Variants in TGM6 observed in about 807,000 individuals in gnomAD.
TGM6 encodes the protein transglutaminase 6.
Under a neutral mutation model 77.5 loss-of-function variants are expected in TGM6, and 74 were observed. That is an observed-to-expected ratio of 0.96 (90% CI 0.79 to 1.16). TGM6 has a LOEUF of 1.16. Ranked by LOEUF, TGM6 falls within the 50% of genes most tolerant of loss-of-function variation. TGM6 has a pLI of 0.00. For missense variants in TGM6, 968 were observed against 940.2 expected (o/e 1.03, Z -0.39); for synonymous variants, 383 against 378.9 (o/e 1.01, Z -0.12).
chr20:2,401,301 A>C (rs1313387208), intron 7 of TGM6, among the ~76,000 whole-genome samples: 3 of 152,184 alleles, frequency 2.0e-5, no homozygotes, highest in Non-Finnish European at 4.4e-5. Flanking sequence ...AATGGGTTGC[A>C]GTGATGTCTC....
In TGM6 at chr20:2,399,580, G is replaced by A. The variant is rs1311548530; in HGVS notation, c.692G>A (p.Arg231Gln). ...ISAMVNSNND[R>Q]GVVQGQWQGK... The stretch of plus-strand genomic sequence containing the variant: ...GCCCAGGTGAACAGCAACAACGACC[G>A]AGGTGTGGTGCAAGGACAGTGGCAG... The change falls in exon 6 of 13, where the codon CGA becomes CAA. Residue 231 changes from arginine (R) to glutamine (Q), a missense_variant. By Grantham distance (43) the Arg-to-Gln change is conservative. Transcript: ENST00000202625. 21 of 1,613,020 alleles carry A rather than the reference G, an allele frequency of 1.3e-5. No individual in the cohort carries two copies. The highest frequency in any genetic ancestry group is 1.6e-5 in the Non-Finnish European group (19 of 1,179,952).
intron 4 of TGM6, 121 bp from the exon 5 acceptor site, chr20:2,397,797 G>A: frequency 6.5e-7 from 1 of 1,529,924 alleles, no homozygotes; most frequent in Non-Finnish European, 9.0e-7. Flanking sequence ...GCCCCTGGTG[G>A]TTGGAGGGGG....
At chr20:2,397,514 A>T (rs1213244131) in intron 4 of TGM6, among the ~76,000 whole-genome samples, 1 of 152,240 alleles carries the variant, frequency 6.6e-6, no homozygotes, top group African/African-American at 2.4e-5. Flanking sequence ...ATTATCAGAG[A>T]CCAGAAACCT....
At chr20:2,402,624 G>T (rs1445194067) in intron 7 of TGM6, among the ~76,000 whole-genome samples, 7 of 152,202 alleles carry the variant, frequency 4.6e-5, no homozygotes, top group Non-Finnish European at 1.0e-4. Flanking sequence ...GAGTTCTGAG[G>T]CCGGCTGTAA....
intron 9 of TGM6, among the ~76,000 whole-genome samples, chr20:2,408,904 G>GA (rs902732403): frequency 4.6e-5 from 7 of 152,048 alleles, no homozygotes; most frequent in Non-Finnish European, 1.0e-4. Flanking sequence ...GTATTTTGGG[G>GA]AAAAATAAAG....
At position 2,397,833 on chromosome 20, in the gene TGM6, G is replaced by T. The variant is rs1232766613; in HGVS notation, c.544-85G>T. The stretch of plus-strand genomic sequence containing the variant: ...CAGCAAACTGCCCTGCACAGATGGG[G>T]TGACTGACCGGGTGAGGGCTGTGGG... On this transcript the variant is annotated intron_variant, in intron 4 of 12. Coordinates refer to ENST00000202625, the MANE Select transcript of TGM6 (RefSeq NM_198994.3). The T allele has an allele frequency of 5.0e-6, 8 of 1,610,946 alleles. No individual in the cohort carries two copies. The African/African-American group carries it at 6.7e-5, about 13-fold the overall frequency.
intron 9 of TGM6, among the ~76,000 whole-genome samples, chr20:2,406,179 G>A (rs767004459): frequency 6.6e-6 from 1 of 152,128 alleles, no homozygotes; most frequent in Non-Finnish European, 1.5e-5. Flanking sequence ...ATGGGCTATG[G>A]ATGAGGGGAC....
chr20:2,403,317 C>T, intron 7 of TGM6, 80 bp from the exon 8 acceptor site: 1 of 1,489,430 alleles, frequency 6.7e-7, no homozygotes, highest in Non-Finnish European at 9.2e-7. Flanking sequence ...AGTAGGGAGC[C>T]CAGGGCCTGC....
chr20:2,407,817 T>A (rs993669196), intron 9 of TGM6, among the ~76,000 whole-genome samples: 2 of 152,140 alleles, frequency 1.3e-5, no homozygotes, highest in Non-Finnish European at 2.9e-5. Context: ...GGCTTTTTCA[T>A]GTGCTCTCAA....
At chr20:2,430,078 A>T (rs191948138) in intron 10 of TGM6, among the ~76,000 whole-genome samples, 9 of 152,290 alleles carry the variant, frequency 5.9e-5, no homozygotes, top group African/African-American at 2.2e-4. Flanking sequence ...TGCTCAATAA[A>T]CAGAGAAGGA....
intron 9 of TGM6, among the ~76,000 whole-genome samples, chr20:2,406,090 C>T (rs2084748613): frequency 6.6e-6 from 1 of 152,184 alleles, no homozygotes; most frequent in East Asian, 1.9e-4. Context: ...CACACTTTAG[C>T]TCCTATCTCC....
chr20:2,426,817 C>A (rs943333995), intron 10 of TGM6, among the ~76,000 whole-genome samples: 1 of 151,994 alleles, frequency 6.6e-6, no homozygotes, highest in African/African-American at 2.4e-5. Flanking sequence ...ATTAATTGAC[C>A]TTTAATATTG....
At position 2,417,222 on chromosome 20, in the gene TGM6, T is replaced by C. The variant is rs755476366; in HGVS notation, c.1337-10T>C. 1.9e-6 allele frequency: 3 copies of C among 1,588,556 alleles called. No homozygotes were observed. The East Asian group carries it at 6.9e-5, about 36-fold the overall frequency. ...GGTGCCTGCCGCTGACGTTGTGTGA[T>C]GCCCTGCAGGGTCCCGGAAAGAGAG... On this transcript the variant is annotated splice_polypyrimidine_tract_variant and intron_variant, in intron 9 of 12. Transcript: ENST00000202625.
intron 10 of TGM6, among the ~76,000 whole-genome samples, chr20:2,422,763 C>T (rs1303560414): frequency 3.3e-5 from 5 of 151,642 alleles, no homozygotes; most frequent in African/African-American, 1.2e-4. Context: ...GAAACCCCAT[C>T]TCTACAAAAA....
chr20:2,430,791 G>A, intron 11 of TGM6, 103 bp from the exon 12 acceptor site: 1 of 1,605,826 alleles, frequency 6.2e-7, no homozygotes, highest in South Asian at 1.1e-5. Flanking sequence ...TGGAGGTGGG[G>A]GTGGACATGA....
intron 10 of TGM6, among the ~76,000 whole-genome samples, chr20:2,424,250 T>C (rs761290216): frequency 3.3e-5 from 5 of 152,250 alleles, no homozygotes; most frequent in Non-Finnish European, 2.9e-5. Flanking sequence ...CTAGATGGCA[T>C]CTTCTTCCAA....
chr20:2,410,431 A>C (rs990262204), intron 9 of TGM6, among the ~76,000 whole-genome samples: 142 of 152,148 alleles, frequency 9.3e-4, no homozygotes, highest in African/African-American at 3.4e-3. Context: ...TGGCTCTTCC[A>C]GAGTTATATC....
At chr20:2,419,008 C>A (rs960948131) in intron 10 of TGM6, among the ~76,000 whole-genome samples, 3 of 152,180 alleles carry the variant, frequency 2.0e-5, no homozygotes, top group Admixed American at 2.0e-4. Context: ...ACCCAGGAAG[C>A]GGAGGTTAAA....
At chr20:2,383,825 A>G (rs1482842143) in intron 1 of TGM6, among the ~76,000 whole-genome samples, 1 of 152,106 alleles carries the variant, frequency 6.6e-6, no homozygotes, top group Non-Finnish European at 1.5e-5. Context: ...CCCTGTTTGT[A>G]GGCCGGGCGC....
Sources: allele counts gnomAD v4.1 joint callset (sites outside exome capture counted in the v4.1 genomes callset), GRCh38; gene constraint gnomAD v4.1.1; transcripts MANE v1.5; gene names NCBI Gene and HGNC (gene_info 2026-07-23, HGNC 2026-07-21).